DCAF5: variants seen among roughly 807,000 people sequenced by gnomAD.
DCAF5 encodes the protein DDB1- and CUL4-associated factor 5.
Under a neutral mutation model 80.7 loss-of-function variants are expected in DCAF5, and 9 were observed. The observed-to-expected ratio is 0.11, with a 90% confidence interval of 0.07 to 0.19. DCAF5 has a LOEUF of 0.19. DCAF5 is among the 10% of genes least tolerant of loss of function. DCAF5 has a pLI of 1.00. For synonymous variants in DCAF5, 433 were observed against 461.9 expected (o/e 0.94, Z 0.80); for missense variants, 842 against 1,205.7 (o/e 0.70, Z 4.47).
At chr14:69,115,117 C>T (rs1484295318) in intron 5 of DCAF5, among the ~76,000 whole-genome samples, 1 of 152,212 alleles carries the variant, frequency 6.6e-6, no homozygotes, top group African/African-American at 2.4e-5. Context: ...GCAGAGAACA[C>T]TGCAGATGAA....
intron 3 of DCAF5, 160 bp downstream of exon 3, chr14:69,119,034 T>A: frequency 1.5e-6 from 1 of 651,204 alleles, no homozygotes; most frequent in Non-Finnish European, 2.5e-6. Flanking sequence ...ATCAAAACTT[T>A]ATTTATTTCA....
At chr14:69,094,022 T>C (rs1002195968) in intron 5 of DCAF5, among the ~76,000 whole-genome samples, 2 of 152,158 alleles carry the variant, frequency 1.3e-5, no homozygotes, top group Non-Finnish European at 2.9e-5. Flanking sequence ...TGGTGTTATC[T>C]AAACACTGAA....
At chr14:69,103,320 C>A (rs1254796973) in intron 5 of DCAF5, among the ~76,000 whole-genome samples, 1 of 152,124 alleles carries the variant, frequency 6.6e-6, no homozygotes, top group African/African-American at 2.4e-5. Context: ...ATACTCACTA[C>A]CCCCAGGAGA....
At position 69,152,601 on chromosome 14, in the gene DCAF5, C is replaced by T; in HGVS notation, c.214+164G>A. ...AGAAGACATCCTCTCCTTCCCCTCC[C>T]CCTGCAATGGTTTTAATTTGACACC... On this transcript the variant is annotated intron_variant, in intron 1 of 8. Coordinates refer to ENST00000341516, the MANE Select transcript of DCAF5 (RefSeq NM_003861.3). This position sits in a 1 kb window ranked among gnomAD's most constrained non-coding sequence, Gnocchi z 4.1. The T allele has an allele frequency of 1.7e-6, 1 of 604,602 alleles. No individual in the cohort carries two copies. Among genetic ancestry groups the T allele is most frequent in the Non-Finnish European group, 2.9e-6 (1 of 342,920 alleles). The allele number at this position is 604,602 out of a possible 1,614,324, so 37.5% of individuals were successfully genotyped here. A position where few individuals can be genotyped will look rare whatever the true frequency, so the allele number is the denominator to read the frequency against.
intron 5 of DCAF5, among the ~76,000 whole-genome samples, chr14:69,107,699 C>T (rs926723480): frequency 6.6e-6 from 1 of 152,208 alleles, no homozygotes; most frequent in Non-Finnish European, 1.5e-5. Context: ...CTTACACCTC[C>T]TCTAAGGATT....
intron 1 of DCAF5, among the ~76,000 whole-genome samples, chr14:69,142,749 T>A (rs767394052): frequency 6.6e-6 from 1 of 152,206 alleles, no homozygotes; most frequent in African/African-American, 2.4e-5. Flanking sequence ...TTTCTCCCCA[T>A]GTATAACTAT....
At chr14:69,121,655 G>C (rs2040721456) in intron 2 of DCAF5, among the ~76,000 whole-genome samples, 1 of 152,140 alleles carries the variant, frequency 6.6e-6, no homozygotes, top group Admixed American at 6.5e-5. Flanking sequence ...TAGATATCCA[G>C]TGGGAAAATC....
At chr14:69,065,932 C>G (rs1175388357) in intron 7 of DCAF5, among the ~76,000 whole-genome samples, 1 of 152,122 alleles carries the variant, frequency 6.6e-6, no homozygotes, top group South Asian at 2.1e-4. Context: ...GGTAAGGGCC[C>G]AGGTAAGGAT....
intron 1 of DCAF5, among the ~76,000 whole-genome samples, chr14:69,131,478 T>C (rs1177287370): frequency 6.6e-6 from 1 of 152,216 alleles, no homozygotes; most frequent in African/African-American, 2.4e-5. Flanking sequence ...AAGTCTGTTT[T>C]GTTATTTTTC....
intron 5 of DCAF5, among the ~76,000 whole-genome samples, chr14:69,105,675 T>C (rs1282104881): frequency 6.6e-6 from 1 of 151,858 alleles, no homozygotes; most frequent in African/African-American, 2.4e-5. Flanking sequence ...CCTCTCCTCC[T>C]GCCCTTGGAC....
intron 5 of DCAF5, among the ~76,000 whole-genome samples, chr14:69,112,618 C>T (rs1198062857): frequency 6.6e-6 from 1 of 151,128 alleles, no homozygotes; most frequent in African/African-American, 2.4e-5. Context: ...CACACACACA[C>T]ACACACACAC....
chr14:69,063,745 CTCT>C (rs1359715643), intron 7 of DCAF5, among the ~76,000 whole-genome samples: 2 of 152,188 alleles, frequency 1.3e-5, no homozygotes, highest in South Asian at 2.1e-4. Context: ...CCTAACACAA[CTCT>C]TCTTTTGTCT....
intron 8 of DCAF5, among the ~76,000 whole-genome samples, chr14:69,061,121 T>C (rs2139845354): frequency 6.6e-6 from 1 of 152,082 alleles, no homozygotes; most frequent in African/African-American, 2.4e-5. Flanking sequence ...CCCTCAGCCT[T>C]AGCCTCCCAA....
At chr14:69,089,394 G>A (rs1337977826) in intron 6 of DCAF5, 1 of 152,136 alleles carries the variant, frequency 6.6e-6, no homozygotes, top group African/African-American at 2.4e-5. Context: ...TCTGTTAACT[G>A]ACCCAAAGTT....
In DCAF5 at chr14:69,118,049, A is replaced by G. The variant is rs1367896658; in HGVS notation, c.535+90T>C. On this transcript the variant is annotated intron_variant, in intron 4 of 8. Coordinates refer to ENST00000341516, the MANE Select transcript of DCAF5 (RefSeq NM_003861.3). This position sits in a 1 kb window ranked among gnomAD's most constrained non-coding sequence, Gnocchi z 4.0. ...TCCTTTCCCTTGACATCACTTGCAC[A>G]TAGATACTGAGGTAATAAATTGGAT... 1 of 1,536,370 alleles carries G rather than the reference A, an allele frequency of 6.5e-7. No individual in the cohort carries two copies. The highest frequency in any genetic ancestry group is 8.9e-7 in the Non-Finnish European group (1 of 1,120,758).
intron 6 of DCAF5, chr14:69,084,286 C>A: frequency 1.0e-6 from 1 of 968,408 alleles, no homozygotes; most frequent in African/African-American, 1.6e-5. Flanking sequence ...ATGGGATCAA[C>A]ATCACTGTGG....
chr14:69,075,725 C>G (rs1189455583), intron 6 of DCAF5, among the ~76,000 whole-genome samples: 1 of 152,166 alleles, frequency 6.6e-6, no homozygotes, highest in East Asian at 1.9e-4. Flanking sequence ...CTCAGGTGAT[C>G]CGCTGGCCTT....
rs1594916815 is a variant in DCAF5, at chr14:69,053,987, T to C, written c.2699A>G (p.Asp900Gly). 5 of 1,612,740 alleles carry C rather than the reference T, an allele frequency of 3.1e-6. No individual in the cohort carries two copies. The highest frequency in any genetic ancestry group is 3.4e-6 in the Non-Finnish European group (4 of 1,179,172). ...CETPNAGTRE[D>G]PTDTPATDSS... ...ATCTGTGGCTGGGGTGTCAGTGGGGTCCTCTCTTGTTCCAGCATTGGGGGT... is the reference window on the plus strand; with the variant it reads ...ATCTGTGGCTGGGGTGTCAGTGGGGCCCTCTCTTGTTCCAGCATTGGGGGT... The change falls in exon 9 of 9, where the codon GAC (aspartate) becomes GGC (glycine). Residue 900 changes from aspartate (D) to glycine (G), a missense_variant. Coordinates refer to ENST00000341516, the MANE Select transcript of DCAF5 (RefSeq NM_003861.3).
chr14:69,063,849 C>G (rs573829470), intron 7 of DCAF5, among the ~76,000 whole-genome samples: 1 of 152,316 alleles, frequency 6.6e-6, no homozygotes, highest in East Asian at 1.9e-4. Flanking sequence ...ACTCAGCCAG[C>G]TTTAGGTGCT....
Sources: gnomAD v4.1 joint callset for allele counts (sites outside exome capture counted in the v4.1 genomes callset) on GRCh38, gnomAD v4.1.1 for gene constraint, Gnocchi (gnomAD v3.1) non-coding constraint, MANE v1.5 for transcripts, NCBI Gene and HGNC (gene_info 2026-07-23, HGNC 2026-07-21) for gene names.